Variants in KCNAB1 observed in about 807,000 individuals in gnomAD.
KCNAB1 encodes potassium voltage-gated channel subfamily A regulatory beta subunit 1, also known as voltage-gated potassium channel subunit beta-1.
Under a neutral mutation model 64.6 loss-of-function variants are expected in KCNAB1, and 35 were observed. The ratio of observed to expected loss-of-function variants is 0.54; its 90% confidence interval spans 0.41 to 0.72. The LOEUF is 0.72. KCNAB1 is among the 30% of genes least tolerant of loss of function. The pLI, the probability that KCNAB1 is intolerant of heterozygous loss-of-function variation, is 0.00. For missense variants in KCNAB1, 401 were observed against 512.9 expected, an observed-to-expected ratio of 0.78 and a Z score of 2.11; for synonymous variants, 177 against 183.8, an observed-to-expected ratio of 0.96 and a Z score of 0.30.
intron 1 of KCNAB1, among the ~76,000 whole-genome samples, chr3:156,233,927 A>G (rs1037869434): frequency 4.0e-5 from 6 of 151,866 alleles, no homozygotes; most frequent in Non-Finnish European, 5.9e-5. Context: ...CTTAGTTTGG[A>G]CTTGTAAAAG....
At chr3:156,148,977 C>A (rs559404608) in intron 1 of KCNAB1, among the ~76,000 whole-genome samples, 169 of 152,138 alleles carry the variant, frequency 1.1e-3, no homozygotes, top group African/African-American at 3.8e-3. Context: ...GAATAAATAA[C>A]TCTTCAAACG....
intron 8 of KCNAB1, among the ~76,000 whole-genome samples, chr3:156,501,275 TTAAG>T (rs539128541): frequency 2.0e-5 from 3 of 152,078 alleles, no homozygotes; most frequent in African/African-American, 4.8e-5. Flanking sequence ...TTTTAGAATA[TTAAG>T]TAAGTAGGAA....
chr3:156,275,908 T>G (rs1719312282), intron 1 of KCNAB1, among the ~76,000 whole-genome samples: 1 of 152,196 alleles, frequency 6.6e-6, no homozygotes, highest in African/African-American at 2.4e-5. Flanking sequence ...TGTTGATATT[T>G]GACATCCTCC....
intron 1 of KCNAB1, among the ~76,000 whole-genome samples, chr3:156,185,975 T>C (rs1045421100): frequency 6.6e-5 from 10 of 152,184 alleles, no homozygotes; most frequent in African/African-American, 2.4e-4. Context: ...CTTCCTTCCT[T>C]TCCTTCCTTT....
At chr3:156,491,185 A>G (rs1181245966) in intron 8 of KCNAB1, among the ~76,000 whole-genome samples, 5 of 152,116 alleles carry the variant, frequency 3.3e-5, no homozygotes, top group African/African-American at 1.2e-4. Flanking sequence ...TAAAGCCACA[A>G]AGTGGAAGCC....
At chr3:156,307,822 C>G (rs1267114144) in intron 1 of KCNAB1, among the ~76,000 whole-genome samples, 1 of 152,178 alleles carries the variant, frequency 6.6e-6, no homozygotes, top group African/African-American at 2.4e-5. Context: ...TAAGGCTGTA[C>G]AGAATATAGT....
intron 1 of KCNAB1, chr3:156,176,794 C>T (rs1450347486): frequency 6.9e-6 from 6 of 870,398 alleles, no homozygotes; most frequent in East Asian, 2.4e-5. Context: ...CCTGGCGTCG[C>T]CTGCTGCTGC....
chr3:156,237,071 T>G (rs1716895311), intron 1 of KCNAB1, among the ~76,000 whole-genome samples: 1 of 152,204 alleles, frequency 6.6e-6, no homozygotes. Context: ...TGTAGACAAC[T>G]GTTTGTCCTC....
chr3:156,390,534 T>A (rs1356050888), intron 1 of KCNAB1, among the ~76,000 whole-genome samples: 1 of 80,860 alleles, frequency 1.2e-5, no homozygotes, highest in Non-Finnish European at 2.3e-5. Context: ...TGTGGTTGGT[T>A]TCCTTCCTTC....
At chr3:156,157,166 A>G (rs906933534) in intron 1 of KCNAB1, among the ~76,000 whole-genome samples, 46 of 152,336 alleles carry the variant, frequency 3.0e-4, no homozygotes, top group African/African-American at 1.1e-3. Flanking sequence ...AAGAGCAGAG[A>G]GAAAAACGTA....
intron 4 of KCNAB1, among the ~76,000 whole-genome samples, chr3:156,457,988 G>A (rs1315314624): frequency 2.0e-5 from 3 of 151,886 alleles, no homozygotes; most frequent in Non-Finnish European, 4.4e-5. Context: ...TCCTTGCAGG[G>A]AAACAGGAGC....
Position 156,314,493 on chromosome 3 carries a change from C to T in KCNAB1, c.276-107123C>T, listed in dbSNP as rs978890823. On this transcript the variant is annotated intron_variant, in intron 1 of 13. Coordinates refer to ENST00000490337, the MANE Select transcript of KCNAB1 (RefSeq NM_172160.3). ...TGCCTGACTCCAGGGGCCAGCCTCCCCACCATTCTGCATTACTGCCTCCAT... is the reference window on the plus strand; with the variant it reads ...TGCCTGACTCCAGGGGCCAGCCTCCTCACCATTCTGCATTACTGCCTCCAT... Among the ~76,000 whole-genome samples the T allele has an allele frequency of 1.3e-4, 20 of 152,218 alleles. 1 individual carries two copies. Among genetic ancestry groups the T allele is most frequent in the Admixed American group, 1.3e-3 (20 of 15,284 alleles).
At chr3:156,228,152 T>C (rs1716297370) in intron 1 of KCNAB1, among the ~76,000 whole-genome samples, 1 of 152,024 alleles carries the variant, frequency 6.6e-6, no homozygotes, top group Non-Finnish European at 1.5e-5. Flanking sequence ...ATTCCACACA[T>C]CTTTATTGAG....
chr3:156,369,319 A>G (rs1324240634), intron 1 of KCNAB1, among the ~76,000 whole-genome samples: 1 of 152,246 alleles, frequency 6.6e-6, no homozygotes, highest in African/African-American at 2.4e-5. Context: ...GTACGAATAT[A>G]CCACAGTTTA....
At chr3:156,369,550 T>G (rs1160359059) in intron 1 of KCNAB1, among the ~76,000 whole-genome samples, 1 of 152,206 alleles carries the variant, frequency 6.6e-6, no homozygotes, top group Admixed American at 6.5e-5. Flanking sequence ...AATATGTTTT[T>G]TAAAGGGGAG....
At chr3:156,317,502 A>G (rs1336307692) in intron 1 of KCNAB1, among the ~76,000 whole-genome samples, 2 of 151,298 alleles carry the variant, frequency 1.3e-5, no homozygotes, top group Non-Finnish European at 3.0e-5. Flanking sequence ...ATGTGTGTGT[A>G]TATCCATCCA....
At chr3:156,182,333 TA>T (rs1234372999) in intron 1 of KCNAB1, among the ~76,000 whole-genome samples, 1 of 152,172 alleles carries the variant, frequency 6.6e-6, no homozygotes, top group Non-Finnish European at 1.5e-5. Context: ...GAAGAGATCA[TA>T]AAAAGGCTCA....
At chr3:156,428,273 A>G (rs1715962543) in intron 2 of KCNAB1, among the ~76,000 whole-genome samples, 2 of 152,192 alleles carry the variant, frequency 1.3e-5, no homozygotes, top group South Asian at 4.1e-4. Flanking sequence ...TGTGAATAAG[A>G]GGGAATTCCT....
chr3:156,201,683 G>T (rs536975795), intron 1 of KCNAB1, among the ~76,000 whole-genome samples: 1 of 152,196 alleles, frequency 6.6e-6, no homozygotes, highest in African/African-American at 2.4e-5. Flanking sequence ...CACTCATGCC[G>T]GCAGCAGTGG....
Sources: allele counts gnomAD v4.1 joint callset (sites outside exome capture counted in the v4.1 genomes callset), GRCh38; gene constraint gnomAD v4.1.1; transcripts MANE v1.5; gene names NCBI Gene and HGNC (gene_info 2026-07-23, HGNC 2026-07-21).